QRICH1: variants seen among roughly 807,000 people sequenced by gnomAD.
QRICH1 encodes the protein glutamine rich 1.
A neutral mutation model predicts 87.1 loss-of-function variants in QRICH1; 16 were observed. The ratio of observed to expected loss-of-function variants is 0.18; its 90% CI spans 0.12 to 0.28. The LOEUF is 0.28. Among genes scored for constraint, QRICH1 ranks in the 10% least tolerant of loss-of-function variants. The pLI is 1.00. For synonymous variants in QRICH1, 367 were observed against 368.4 expected, an observed-to-expected ratio of 1.00 and a Z score of 0.05; for missense variants, 647 against 951.7, an observed-to-expected ratio of 0.68 and a Z score of 4.21.
intron 3 of QRICH1, among the ~76,000 whole-genome samples, chr3:49,049,454 AAAT>A (rs1256069223): frequency 6.6e-6 from 1 of 152,042 alleles, no homozygotes; most frequent in Non-Finnish European, 1.5e-5. Flanking sequence ...CAAAAAATAA[AAAT>A]AAAAAAGTGA....
intron 2 of QRICH1, among the ~76,000 whole-genome samples, chr3:49,066,258 G>A (rs1036091286): frequency 2.0e-5 from 3 of 151,818 alleles, no homozygotes; most frequent in Admixed American, 1.3e-4. Flanking sequence ...ACTGTACTCT[G>A]GCATGAGTGA....
intron 1 of QRICH1, among the ~76,000 whole-genome samples, chr3:49,082,250 T>C (rs1420606262): frequency 6.6e-6 from 1 of 152,218 alleles, no homozygotes; most frequent in Non-Finnish European, 1.5e-5. Context: ...TGTCCTCTAT[T>C]TTTGACAAAC....
intron 3 of QRICH1, among the ~76,000 whole-genome samples, chr3:49,051,095 C>T (rs1361478469): frequency 1.3e-5 from 2 of 152,126 alleles, no homozygotes; most frequent in Admixed American, 6.5e-5. Context: ...TTCCATAGAC[C>T]TTTGATCCAG....
chr3:49,038,630 G>T (rs2093290506), intron 6 of QRICH1, among the ~76,000 whole-genome samples: 1 of 152,014 alleles, frequency 6.6e-6, no homozygotes, highest in African/African-American at 2.4e-5. Flanking sequence ...AATTGGCCAG[G>T]CTGGTCTTGA....
chr3:49,053,488 A>AG (rs1331773238), intron 3 of QRICH1, among the ~76,000 whole-genome samples: 5 of 148,414 alleles, frequency 3.4e-5, no homozygotes, highest in African/African-American at 5.0e-5. Context: ...CCCTGTCTCA[A>AG]AAAAAAAAAA....
chr3:49,084,988 A>AGTGGTT (rs1553748774), intron 1 of QRICH1, among the ~76,000 whole-genome samples: 1 of 149,182 alleles, frequency 6.7e-6, no homozygotes, highest in East Asian at 2.0e-4. Flanking sequence ...TAAAAATACA[A>AGTGGTT]AAAAATTAGC....
In QRICH1 at chr3:49,044,374, C is replaced by A. The variant is rs770888364; in HGVS notation, c.1786+16G>T. On this transcript the variant is annotated intron_variant, in intron 6 of 9. Transcript: ENST00000395443. ...TCCAGGTAGGAAAGATATCCAAGGACAAGGGAGACTCTTACCAAGTGGAGT... is the reference window on the plus strand; with the variant it reads ...TCCAGGTAGGAAAGATATCCAAGGAAAAGGGAGACTCTTACCAAGTGGAGT... 1.3e-6 allele frequency: 2 copies of A among 1,565,990 alleles called. No homozygotes were observed. Among genetic ancestry groups the A allele is most frequent in the Non-Finnish European group, 1.7e-6 (2 of 1,145,744 alleles).
At chr3:49,039,451 C>T (rs556279265) in intron 6 of QRICH1, among the ~76,000 whole-genome samples, 1 of 151,456 alleles carries the variant, frequency 6.6e-6, no homozygotes, top group Non-Finnish European at 1.5e-5. Context: ...GAGGCCGAGG[C>T]GGGCCGATCA....
intron 5 of QRICH1, among the ~76,000 whole-genome samples, chr3:49,045,646 C>A (rs2093334829): frequency 6.6e-6 from 1 of 151,978 alleles, no homozygotes; most frequent in South Asian, 2.1e-4. Flanking sequence ...GTCACCCAGG[C>A]TGGAGTGTAG....
At chr3:49,090,453 C>A (rs1233384379) in intron 1 of QRICH1, among the ~76,000 whole-genome samples, 1 of 108,352 alleles carries the variant, frequency 9.2e-6, no homozygotes, top group African/African-American at 3.5e-5. Flanking sequence ...AGCGAGACTA[C>A]GTCTCAAAAA....
chr3:49,055,969 G>A (rs2093399831), intron 3 of QRICH1, among the ~76,000 whole-genome samples: 1 of 150,714 alleles, frequency 6.6e-6, no homozygotes, highest in Non-Finnish European at 1.5e-5. Flanking sequence ...ATGAGCCACC[G>A]TGCCTGGCCC....
At chr3:49,034,005 AAAAC>A (rs2093258890) in intron 6 of QRICH1, among the ~76,000 whole-genome samples, 1 of 151,796 alleles carries the variant, frequency 6.6e-6, no homozygotes, top group African/African-American at 2.4e-5. Flanking sequence ...AAAAAACAAA[AAAAC>A]AAAAAAAACA....
intron 2 of QRICH1, among the ~76,000 whole-genome samples, chr3:49,072,013 T>G (rs890958932): frequency 6.6e-6 from 1 of 152,070 alleles, no homozygotes; most frequent in Non-Finnish European, 1.5e-5. Flanking sequence ...TACTTAACCT[T>G]TCCTGTACCT....
rs2106904203 is a variant in QRICH1 at position 49,057,095 on chromosome 3, T to C, written c.1105A>G (p.Lys369Glu). The change falls in exon 3 of 10, where the codon AAA (lysine) becomes GAA (glutamate). Residue 369 changes from lysine (K) to glutamate (E), a missense_variant. Physicochemically the swap from Lys to Glu is moderately conservative, Grantham distance 56. This residue lies in a region of QRICH1 where 115 missense variants were observed against 126.8 expected (regional missense o/e 0.91). Transcript: ENST00000395443. The surrounding 1 kb of genome is among the most constrained non-coding windows in gnomAD (Gnocchi z 5.4). Reference sequence around the variant, plus strand: ...TGCACTACCTCTTCATGGGAGTTTTTCACTACAGATGTGGTGCCCACCATC... The same window carrying C: ...TGCACTACCTCTTCATGGGAGTTTTCCACTACAGATGTGGTGCCCACCATC... ...EKMVGTTSVV[K>E]NSHEEVVQTL... 1 of 1,614,232 alleles carries C rather than the reference T, an allele frequency of 6.2e-7. No individual in the cohort carries two copies. Among genetic ancestry groups the C allele is most frequent in the Non-Finnish European group, 8.5e-7 (1 of 1,180,046 alleles).
At position 49,057,858 on chromosome 3, in the gene QRICH1, C is replaced by T. The variant is rs764578105; in HGVS notation, c.342G>A (p.Gln114=). Residue 114 remains glutamine (Q), a synonymous_variant, in exon 3 of 10, where the codon CAG becomes CAA. Transcript: ENST00000395443. This position sits in a 1 kb window ranked among gnomAD's most constrained non-coding sequence, Gnocchi z 5.4. ...VQVQVQQSPQ[Q]VSAQLSPQLT... ...GTTGTGGGGAGAGCTGAGCCGAGAC[C>T]TGTTGCGGAGACTGCTGTACCTGCA... is the stretch of plus-strand genomic sequence containing the variant. 1.9e-5 allele frequency: 30 copies of T among 1,614,000 alleles called. No individual in the cohort carries two copies. The highest frequency in any genetic ancestry group is 2.4e-5 in the Non-Finnish European group (28 of 1,180,038).
chr3:49,045,132 T>TCA (rs1208507110), intron 5 of QRICH1, among the ~76,000 whole-genome samples: 1 of 152,148 alleles, frequency 6.6e-6, no homozygotes, highest in African/African-American at 2.4e-5. Context: ...CTGTTATGCT[T>TCA]CACCACAGAT....
chr3:49,052,537 G>A (rs538914936), intron 3 of QRICH1, among the ~76,000 whole-genome samples: 28 of 152,146 alleles, frequency 1.8e-4, no homozygotes, highest in East Asian at 1.5e-3. Flanking sequence ...ATGGAGTTTC[G>A]CTCTGTCACC....
chr3:49,054,720 C>A (rs2093390928), intron 3 of QRICH1, among the ~76,000 whole-genome samples: 1 of 152,048 alleles, frequency 6.6e-6, no homozygotes, highest in African/African-American at 2.4e-5. Flanking sequence ...GCCTGGGCAA[C>A]ACAGTGAGAC....
At chr3:49,050,768 G>A (rs1159515636) in intron 3 of QRICH1, among the ~76,000 whole-genome samples, 1 of 152,046 alleles carries the variant, frequency 6.6e-6, no homozygotes, top group Non-Finnish European at 1.5e-5. Flanking sequence ...TCCATGAACT[G>A]CCAACCATCA....
Sources: allele counts gnomAD v4.1 joint callset (sites outside exome capture counted in the v4.1 genomes callset), GRCh38; gene constraint gnomAD v4.1.1; regional missense constraint gnomAD v4.1.1; non-coding constraint Gnocchi (gnomAD v3.1); transcripts MANE v1.5; gene names NCBI Gene and HGNC (gene_info 2026-07-23, HGNC 2026-07-21).